The following LINGO2 variants were observed in gnomAD, a reference collection of about 807,000 sequenced individuals.
The protein encoded by LINGO2 is leucine rich repeat and Ig domain containing 2, also known as leucine-rich repeat and immunoglobulin-like domain-containing nogo receptor-interacting protein 2.
In LINGO2, 14 loss-of-function variants were observed where a neutral mutation model predicts 30.6. That is an observed-to-expected ratio of 0.46 (90% CI 0.30 to 0.72). LINGO2 has a LOEUF of 0.72. Among genes scored for constraint, LINGO2 ranks in the 30% least tolerant of loss-of-function variants. The probability of loss-of-function intolerance (pLI) is 0.07; values close to 1 mark genes in which losing one functional copy is unlikely to be tolerated. For missense variants in LINGO2, 729 were observed against 751.7 expected (o/e 0.97, Z 0.35); for synonymous variants, 317 against 288.5 (o/e 1.10, Z -1.00).
intron 4 of LINGO2, among the ~76,000 whole-genome samples, chr9:28,031,868 G>T (rs1044743091): frequency 5.3e-5 from 8 of 152,212 alleles, no homozygotes; most frequent in Admixed American, 3.3e-4. Flanking sequence ...GTAAAACCAC[G>T]CTTCACCATG....
At chr9:29,115,579 T>C in the LINGO2 span, among the ~76,000 whole-genome samples, 1 of 143,426 alleles carries the variant, frequency 7.0e-6, no homozygotes, top group African/African-American at 2.6e-5. Context: ...CTTGGCTTTA[T>C]TGAATGTGTT....
chr9:28,105,036 C>T (rs543507906), intron 4 of LINGO2, among the ~76,000 whole-genome samples: 4 of 152,218 alleles, frequency 2.6e-5, no homozygotes, highest in South Asian at 4.1e-4. Flanking sequence ...GACCAAGAAT[C>T]ACTCATCATT....
the LINGO2 span, among the ~76,000 whole-genome samples, chr9:29,091,713 G>A: frequency 1.3e-5 from 2 of 152,112 alleles, no homozygotes; most frequent in African/African-American, 4.8e-5. Flanking sequence ...CAAATCACAG[G>A]AGAGTGTCTG....
intron 2 of LINGO2, among the ~76,000 whole-genome samples, chr9:28,457,134 T>C (rs1410955848): frequency 6.6e-6 from 1 of 152,130 alleles, no homozygotes; most frequent in African/African-American, 2.4e-5. Context: ...CATGGAAATA[T>C]GCAAAGCTAG....
chr9:28,243,945 G>C (rs1821904480), intron 4 of LINGO2, among the ~76,000 whole-genome samples: 1 of 152,088 alleles, frequency 6.6e-6, no homozygotes, highest in Non-Finnish European at 1.5e-5. Context: ...AGGATATTCA[G>C]GACTTGAACT....
intron 4 of LINGO2, among the ~76,000 whole-genome samples, chr9:28,216,244 G>A (rs1175846422): frequency 2.0e-5 from 3 of 151,860 alleles, no homozygotes; most frequent in African/African-American, 7.2e-5. Context: ...ACAACCCATG[G>A]ATAGCTTTTC....
At chr9:28,034,035 T>C (rs1233950345) in intron 4 of LINGO2, among the ~76,000 whole-genome samples, 1 of 152,208 alleles carries the variant, frequency 6.6e-6, no homozygotes, top group Non-Finnish European at 1.5e-5. Context: ...TTAGCGAAGC[T>C]TCATGTGCTC....
the LINGO2 span, among the ~76,000 whole-genome samples, chr9:29,096,296 T>C: frequency 7.2e-6 from 1 of 139,300 alleles, no homozygotes; most frequent in Non-Finnish European, 1.6e-5. Flanking sequence ...TTTTTATTTT[T>C]TTATTTTGAG....
chr9:29,190,562 G>A, the LINGO2 span, among the ~76,000 whole-genome samples: 1 of 151,998 alleles, frequency 6.6e-6, no homozygotes. Flanking sequence ...ATTAAAATAG[G>A]TAAGAAGTGC....
At chr9:28,071,972 A>G (rs7031493) in intron 4 of LINGO2, among the ~76,000 whole-genome samples, 10,577 of 152,206 alleles carry the variant, frequency 0.069, 1,107 homozygotes, top group African/African-American at 0.23. Flanking sequence ...AAGTCTTTAG[A>G]CAATGTACAT....
the LINGO2 span, among the ~76,000 whole-genome samples, chr9:29,002,268 C>T: frequency 2.6e-5 from 4 of 151,912 alleles, no homozygotes. Context: ...GATTATATAT[C>T]CCAAGAAATG....
chr9:29,115,105 A>T, the LINGO2 span, among the ~76,000 whole-genome samples: 1 of 152,150 alleles, frequency 6.6e-6, no homozygotes, highest in Non-Finnish European at 1.5e-5. Context: ...ACATTCAAAG[A>T]AACTGACAAT....
At chr9:28,812,706 G>A in the LINGO2 span, among the ~76,000 whole-genome samples, 2 of 152,122 alleles carry the variant, frequency 1.3e-5, no homozygotes, top group Non-Finnish European at 2.9e-5. Flanking sequence ...TTCTTCTCAC[G>A]ATGAGTTCAA....
chr9:28,731,559 G>A, the LINGO2 span, among the ~76,000 whole-genome samples: 1 of 152,086 alleles, frequency 6.6e-6, no homozygotes, highest in Admixed American at 6.6e-5. Context: ...TGGTGAGTGC[G>A]GTTTAAAAGA....
intron 5 of LINGO2, among the ~76,000 whole-genome samples, chr9:27,983,077 C>T (rs76530811): frequency 6.6e-6 from 1 of 151,856 alleles, no homozygotes; most frequent in African/African-American, 2.4e-5. Context: ...ACCCTTGAAA[C>T]ATTTTCATAC....
intron 3 of LINGO2, among the ~76,000 whole-genome samples, chr9:28,348,136 G>A (rs1230265188): frequency 6.6e-6 from 1 of 151,996 alleles, no homozygotes; most frequent in African/African-American, 2.4e-5. Flanking sequence ...GCTGTTCACG[G>A]TGGAGGAGCC....
chr9:28,442,237 G>T (rs1045151225), intron 2 of LINGO2, among the ~76,000 whole-genome samples: 1 of 151,310 alleles, frequency 6.6e-6, no homozygotes, highest in Non-Finnish European at 1.5e-5. Context: ...ATACATAGCA[G>T]AAAAATAAGA....
the LINGO2 span, among the ~76,000 whole-genome samples, chr9:28,957,734 C>A: frequency 3.3e-5 from 5 of 152,062 alleles, no homozygotes; most frequent in African/African-American, 7.2e-5. Context: ...CCTAGACCAT[C>A]ATAAAAGAGG....
chr9:27,980,409 G>A (rs1930004), intron 5 of LINGO2, among the ~76,000 whole-genome samples: 7,698 of 151,972 alleles, frequency 0.051, 360 homozygotes, highest in Admixed American at 0.1. Flanking sequence ...GCAATTGGAG[G>A]AAAACTGTCC....
Sources: allele counts gnomAD v4.1 joint callset (sites outside exome capture counted in the v4.1 genomes callset), GRCh38; gene constraint gnomAD v4.1.1; transcripts MANE v1.5; gene names NCBI Gene and HGNC (gene_info 2026-07-23, HGNC 2026-07-21).